The following ATAD2B variants were observed in gnomAD, a reference collection of about 807,000 sequenced individuals.
ATAD2B encodes ATPase family AAA domain containing 2B.
A neutral mutation model predicts 167.6 loss-of-function variants in ATAD2B; 40 were observed. That is an observed-to-expected ratio of 0.24 (90% confidence interval 0.19 to 0.31). The LOEUF is 0.31. ATAD2B is among the 10% of genes least tolerant of loss of function. The probability of loss-of-function intolerance (pLI) is 1.00; values close to 1 mark genes in which losing one functional copy is unlikely to be tolerated. For synonymous variants in ATAD2B, 579 were observed against 596.5 expected, an observed-to-expected ratio of 0.97 and a Z score of 0.43; for missense variants, 1,242 against 1,757.2, an observed-to-expected ratio of 0.71 and a Z score of 5.24.
At chr2:23,735,178 C>T in the ATAD2B span, among the ~76,000 whole-genome samples, 1 of 152,222 alleles carries the variant, frequency 6.6e-6, no homozygotes, top group Admixed American at 6.5e-5. Flanking sequence ...TTCCACCATA[C>T]TCCCTTGTAT....
intron 26 of ATAD2B, 46 bp from the exon 27 acceptor site, chr2:23,754,353 T>G (rs891253826): frequency 6.6e-7 from 1 of 1,505,006 alleles, no homozygotes; most frequent in African/African-American, 1.4e-5. Context: ...ATTTCACTGG[T>G]CAAACTGAAA....
the ATAD2B span, among the ~76,000 whole-genome samples, chr2:23,718,443 G>A: frequency 6.6e-6 from 1 of 152,168 alleles, no homozygotes; most frequent in Admixed American, 6.5e-5. Flanking sequence ...AGATCACAGA[G>A]AGTAAGGAGC....
At chr2:23,836,585 G>A (rs1191541642) in intron 13 of ATAD2B, among the ~76,000 whole-genome samples, 6 of 152,216 alleles carry the variant, frequency 3.9e-5, no homozygotes, top group South Asian at 2.1e-4. Flanking sequence ...TGAGCAAGGC[G>A]AAGAAGAGCT....
At chr2:23,918,035 G>A (rs1486752338) in intron 1 of ATAD2B, among the ~76,000 whole-genome samples, 1 of 150,350 alleles carries the variant, frequency 6.7e-6, no homozygotes, top group Non-Finnish European at 1.5e-5. Context: ...CAACAAGAGC[G>A]AAACTCCATC....
chr2:23,692,191 G>A, the ATAD2B span, among the ~76,000 whole-genome samples: 3 of 152,370 alleles, frequency 2.0e-5, no homozygotes, highest in South Asian at 6.2e-4. Context: ...TGTGGGGAAA[G>A]GCTATGGCCC....
the ATAD2B span, among the ~76,000 whole-genome samples, chr2:23,723,501 G>GAGATC: frequency 7.4e-6 from 1 of 135,654 alleles, no homozygotes. Flanking sequence ...GGAAAAGGAG[G>GAGATC]GAGGGAGGGA....
the ATAD2B span, among the ~76,000 whole-genome samples, chr2:23,740,401 G>A: frequency 1.4e-4 from 21 of 151,740 alleles, no homozygotes; most frequent in South Asian, 2.1e-3. Context: ...TTCAACATAC[G>A]CAAATCAATA....
chr2:23,834,496 A>C (rs888344720), intron 13 of ATAD2B, among the ~76,000 whole-genome samples: 2 of 151,822 alleles, frequency 1.3e-5, no homozygotes, highest in Non-Finnish European at 2.9e-5. Flanking sequence ...TAACTGTAGC[A>C]TGATTATATT....
At chr2:23,767,848 A>AT (rs1261651492) in intron 22 of ATAD2B, among the ~76,000 whole-genome samples, 1 of 152,180 alleles carries the variant, frequency 6.6e-6, no homozygotes, top group African/African-American at 2.4e-5. Flanking sequence ...AGCTTCTTGC[A>AT]TAAAAAATGG....
intron 17 of ATAD2B, among the ~76,000 whole-genome samples, chr2:23,814,868 C>T (rs1222167413): frequency 6.6e-6 from 1 of 151,900 alleles, no homozygotes; most frequent in Non-Finnish European, 1.5e-5. Flanking sequence ...TCCTGGCCAA[C>T]ATGGTGAAAC....
rs1695626116 is a variant in ATAD2B, at chr2:23,869,650, A to C, written c.1076+13T>G. The stretch of plus-strand genomic sequence containing the variant: ...TTTTCTACCATGGAAATAACATTAC[A>C]AATTTTACTAACCTATTTCTTGCTC... On this transcript the variant is annotated intron_variant, in intron 9 of 27. Coordinates refer to ENST00000238789, the MANE Select transcript of ATAD2B (RefSeq NM_017552.4). The C allele has an allele frequency of 6.5e-7, 1 of 1,532,268 alleles. No individual in the cohort carries two copies. The highest frequency in any genetic ancestry group is 1.2e-5 in the South Asian group (1 of 83,730). The allele number at this position is 1,532,268 out of a possible 1,614,324, so 94.9% of individuals were successfully genotyped here.
the ATAD2B span, among the ~76,000 whole-genome samples, chr2:23,714,540 C>G: frequency 1.6e-4 from 24 of 150,396 alleles, no homozygotes; most frequent in South Asian, 6.4e-4. Context: ...GCACCTGGCC[C>G]TCAAAATATT....
the ATAD2B span, among the ~76,000 whole-genome samples, chr2:23,702,248 A>G: frequency 6.6e-6 from 1 of 152,202 alleles, no homozygotes; most frequent in Non-Finnish European, 1.5e-5. Flanking sequence ...GCAAAAATGC[A>G]TTTAATACAC....
chr2:23,810,291 G>C, intron 18 of ATAD2B, 25 bp downstream of exon 18: 1 of 1,577,032 alleles, frequency 6.3e-7, no homozygotes, highest in Non-Finnish European at 8.7e-7. Flanking sequence ...AAAGTTGGAA[G>C]TGCTCTGATG....
chr2:23,876,320 GAT>G (rs1443088450), intron 7 of ATAD2B, among the ~76,000 whole-genome samples: 11 of 125,892 alleles, frequency 8.7e-5, no homozygotes, highest in Admixed American at 6.6e-4. Flanking sequence ...TTTTTTTTTT[GAT>G]ACAGAGTCTC....
At chr2:23,831,312 A>G (rs932271969) in intron 14 of ATAD2B, among the ~76,000 whole-genome samples, 5 of 152,204 alleles carry the variant, frequency 3.3e-5, no homozygotes, top group African/African-American at 1.2e-4. Flanking sequence ...TATTGCATAT[A>G]GAAGATGTGT....
chr2:23,705,833 G>A, the ATAD2B span, among the ~76,000 whole-genome samples: 1 of 152,180 alleles, frequency 6.6e-6, no homozygotes, highest in East Asian at 1.9e-4. Flanking sequence ...ATGCATTAAG[G>A]GAGTCAGTGC....
chr2:23,919,439 C>T (rs140320320), intron 1 of ATAD2B, among the ~76,000 whole-genome samples: 57 of 151,916 alleles, frequency 3.8e-4, no homozygotes, highest in Middle Eastern at 6.8e-3. Flanking sequence ...CCCAGCTATT[C>T]GGGAGGTTAA....
rs1436888657 is a variant in ATAD2B, at chr2:23,758,023, T to C, written c.3473A>G (p.Lys1158Arg). ...AAATTTGGTGTCTTCTTCATCTTTT[T>C]TTAAATTATTAACTTTCCTTTTCTT... The part of the protein sequence containing the change: ...IIKKRKVNNL[K>R]KDEEDTKFAD... The change falls in exon 25 of 28, where the codon AAA becomes AGA. Residue 1158 changes from lysine (K) to arginine (R), a missense_variant. Lys to Arg is a conservative substitution (Grantham distance 26). Transcript: ENST00000238789. The C allele has an allele frequency of 6.2e-7, 1 of 1,609,834 alleles. No homozygotes were observed. The highest frequency in any genetic ancestry group is 8.5e-7 in the Non-Finnish European group (1 of 1,178,694).
Sources: allele counts gnomAD v4.1 joint callset (sites outside exome capture counted in the v4.1 genomes callset), GRCh38; gene constraint gnomAD v4.1.1; transcripts MANE v1.5; gene names NCBI Gene and HGNC (gene_info 2026-07-23, HGNC 2026-07-21).